The following ADAM23 variants were observed in gnomAD, a reference collection of about 807,000 sequenced individuals.
ADAM23 encodes the protein ADAM metallopeptidase domain 23.
In ADAM23, 33 loss-of-function variants were observed where a neutral mutation model predicts 120.1. The ratio of observed to expected loss-of-function variants is 0.27; its 90% CI spans 0.21 to 0.37. The LOEUF (loss-of-function observed/expected upper bound fraction) is 0.37. ADAM23 is among the 10% of genes least tolerant of loss of function. The pLI, the probability that ADAM23 is intolerant of heterozygous loss-of-function variation, is 1.00. For synonymous variants in ADAM23, 367 were observed against 375.2 expected (o/e 0.98, Z 0.25); for missense variants, 862 against 1,058.2 (o/e 0.81, Z 2.57).
intron 2 of ADAM23, among the ~76,000 whole-genome samples, chr2:206,466,941 G>A (rs79553299): frequency 6.6e-6 from 1 of 152,082 alleles, no homozygotes; most frequent in Admixed American, 6.5e-5. Context: ...GAGTAGGACC[G>A]AGATGGGGGG....
chr2:206,603,631 A>G (rs565653741), intron 24 of ADAM23, among the ~76,000 whole-genome samples: 2 of 152,320 alleles, frequency 1.3e-5, no homozygotes, highest in South Asian at 2.1e-4. Context: ...ATTGGAGATT[A>G]CAGAATATAT....
At chr2:206,523,607 T>A (rs1696888449) in intron 3 of ADAM23, among the ~76,000 whole-genome samples, 1 of 152,158 alleles carries the variant, frequency 6.6e-6, no homozygotes. Flanking sequence ...GTATGAAAAC[T>A]ATTTTAGGTG....
In ADAM23 at chr2:206,573,874, C is replaced by T. The variant is rs114333671; in HGVS notation, c.1737+679C>T. 3.1e-3 allele frequency among the ~76,000 whole-genome samples: 465 copies of T among 151,698 alleles called. 3 individuals are homozygous for T. Among genetic ancestry groups the T allele is most frequent in the African/African-American group, 0.01 (418 of 41,332 alleles). On this transcript the variant is annotated intron_variant, in intron 18 of 25. Coordinates refer to ENST00000264377, the MANE Select transcript of ADAM23 (RefSeq NM_003812.4). Reference sequence around the variant, plus strand: ...GAGGGACCAGGAAGTGGGTCCTCTACGGATAAGGGGGCATTCTGCTGGATG... The same window carrying T: ...GAGGGACCAGGAAGTGGGTCCTCTATGGATAAGGGGGCATTCTGCTGGATG...
intron 15 of ADAM23, among the ~76,000 whole-genome samples, chr2:206,569,837 G>A (rs1214264974): frequency 1.3e-5 from 2 of 152,160 alleles, no homozygotes; most frequent in African/African-American, 4.8e-5. Context: ...TTTCTCAGGT[G>A]AATTTAGTGG....
intron 3 of ADAM23, among the ~76,000 whole-genome samples, chr2:206,517,360 C>T (rs1696755996): frequency 6.6e-6 from 1 of 152,168 alleles, no homozygotes; most frequent in South Asian, 2.1e-4. Flanking sequence ...GGGGGCTAAG[C>T]CCTGCCTCTA....
intron 3 of ADAM23, among the ~76,000 whole-genome samples, chr2:206,508,249 T>G (rs553121725): frequency 1.8e-3 from 275 of 152,288 alleles, no homozygotes; most frequent in Non-Finnish European, 2.9e-3. Flanking sequence ...CAGGATGGTC[T>G]TGATCTGACC....
At position 206,482,953 on chromosome 2, in the gene ADAM23, C is replaced by A. The variant is rs569710033; in HGVS notation, c.509+1645C>A. Among the ~76,000 whole-genome samples the A allele has an allele frequency of 6.6e-5, 10 of 152,180 alleles. No homozygotes were observed. In the East Asian group the frequency reaches 1.7e-3, roughly 27 times the overall value. ...TAGAGGAGCATGAGCCTTTTGTTGA[C>A]CTTCCTCATAAATGACAAGATTGAG... On this transcript the variant is annotated intron_variant, in intron 3 of 25. Coordinates refer to ENST00000264377, the MANE Select transcript of ADAM23 (RefSeq NM_003812.4).
chr2:206,476,105 C>T (rs553217644), intron 2 of ADAM23, among the ~76,000 whole-genome samples: 5 of 152,222 alleles, frequency 3.3e-5, no homozygotes, highest in African/African-American at 9.6e-5. Context: ...TTCCTGAAGC[C>T]GAGACCTGTA....
Position 206,517,466 on chromosome 2 carries a change from G to A in ADAM23, c.510-13419G>A, listed in dbSNP as rs144182239. On this transcript the variant is annotated intron_variant, in intron 3 of 25. Transcript: ENST00000264377. ...ACTTGTTGACTCTTCATCAACAAAT[G>A]TTAGAATGCCTACTCTGTGTAGGCA... Among the ~76,000 whole-genome samples the A allele has an allele frequency of 1.7e-3, 258 of 152,200 alleles. 1 individual carries two copies. Among genetic ancestry groups the A allele is most frequent in the African/African-American group, 5.8e-3 (240 of 41,526 alleles).
At position 206,550,690 on chromosome 2, in the gene ADAM23, C is replaced by G. The variant is rs556523720; in HGVS notation, c.933+530C>G. ...GATCTCGGCTCACTGCAAGCTCCGCCTCCCGGGTTCACGCTATTCTCCTGC... is the reference window on the plus strand; with the variant it reads ...GATCTCGGCTCACTGCAAGCTCCGCGTCCCGGGTTCACGCTATTCTCCTGC... On this transcript the variant is annotated intron_variant, in intron 9 of 25. Coordinates refer to ENST00000264377, the MANE Select transcript of ADAM23 (RefSeq NM_003812.4). 1.2e-3 allele frequency among the ~76,000 whole-genome samples: 183 copies of G among 151,908 alleles called. 2 individuals are homozygous for G. Among genetic ancestry groups the G allele is most frequent in the African/African-American group, 4.2e-3 (175 of 41,438 alleles).
chr2:206,492,842 A>C (rs1696161800), intron 3 of ADAM23, among the ~76,000 whole-genome samples: 1 of 152,180 alleles, frequency 6.6e-6, no homozygotes, highest in Non-Finnish European at 1.5e-5. Context: ...CATTCAAACC[A>C]TAGCAGACGT....
chr2:206,561,023 A>G, intron 11 of ADAM23, 105 bp from the exon 12 acceptor site: 1 of 821,060 alleles, frequency 1.2e-6, no homozygotes, highest in Non-Finnish European at 2.0e-6. Context: ...TTCTTGGAGG[A>G]GGATGGTTTG....
chr2:206,536,084 C>T (rs1280816652), intron 4 of ADAM23, among the ~76,000 whole-genome samples: 2 of 152,220 alleles, frequency 1.3e-5, no homozygotes, highest in Non-Finnish European at 2.9e-5. Flanking sequence ...GTCACATATG[C>T]TCATGAATAA....
chr2:206,525,608 C>T (rs1380073868), intron 3 of ADAM23, among the ~76,000 whole-genome samples: 1 of 152,020 alleles, frequency 6.6e-6, no homozygotes, highest in East Asian at 1.9e-4. Context: ...TTGTTTTATT[C>T]TGAGACAGAG....
At chr2:206,476,470 C>T (rs1695777472) in intron 2 of ADAM23, among the ~76,000 whole-genome samples, 2 of 152,136 alleles carry the variant, frequency 1.3e-5, no homozygotes, top group Non-Finnish European at 2.9e-5. Flanking sequence ...CTGAGTTCCA[C>T]CTCCTGTCAG....
intron 24 of ADAM23, among the ~76,000 whole-genome samples, chr2:206,605,301 T>A (rs188032855): frequency 6.6e-6 from 1 of 152,364 alleles, no homozygotes; most frequent in African/African-American, 2.4e-5. Context: ...GGTAAACATG[T>A]ATTTACTTTT....
chr2:206,554,502 A>G (rs1697600269), intron 9 of ADAM23, among the ~76,000 whole-genome samples: 1 of 152,222 alleles, frequency 6.6e-6, no homozygotes, highest in South Asian at 2.1e-4. Flanking sequence ...TGTGAGGATA[A>G]TTTAAATATT....
At chr2:206,604,117 T>C (rs1010433459) in intron 24 of ADAM23, among the ~76,000 whole-genome samples, 2 of 151,926 alleles carry the variant, frequency 1.3e-5, no homozygotes, top group African/African-American at 4.8e-5. Context: ...AATACAAAAA[T>C]TAGCCGGGTG....
At chr2:206,468,198 T>A (rs1695580673) in intron 2 of ADAM23, among the ~76,000 whole-genome samples, 2 of 152,196 alleles carry the variant, frequency 1.3e-5, no homozygotes, top group African/African-American at 4.8e-5. Flanking sequence ...ATTTCTGCAA[T>A]CCCCTTGAAT....
Sources: allele counts gnomAD v4.1 joint callset (sites outside exome capture counted in the v4.1 genomes callset), GRCh38; gene constraint gnomAD v4.1.1; transcripts MANE v1.5; gene names NCBI Gene and HGNC (gene_info 2026-07-23, HGNC 2026-07-21).